CAMTA1: variants seen among roughly 807,000 people sequenced by gnomAD.
The protein encoded by CAMTA1 is calmodulin binding transcription activator 1, also known as calmodulin-binding transcription activator 1.
CAMTA1 carries 27 observed loss-of-function variants against 170.9 expected under a neutral mutation model. That is an observed-to-expected ratio of 0.16 (90% CI 0.12 to 0.22). The LOEUF (loss-of-function observed/expected upper bound fraction) is 0.22, where lower values mean the gene tolerates loss of function less well. Ranked by LOEUF, CAMTA1 falls within the 10% of genes least tolerant of loss-of-function variation. The pLI is 1.00. For synonymous variants in CAMTA1, 833 were observed against 891.5 expected (o/e 0.93, Z 1.17); for missense variants, 1,619 against 2,217.2 (o/e 0.73, Z 5.42).
At chr1:6,848,940 T>C (rs926368075) in intron 3 of CAMTA1, among the ~76,000 whole-genome samples, 7 of 152,178 alleles carry the variant, frequency 4.6e-5, no homozygotes, top group African/African-American at 1.7e-4. Context: ...AAATGGAAGC[T>C]GTATATTTTC....
At chr1:7,564,649 T>C (rs1342976254) in intron 6 of CAMTA1, among the ~76,000 whole-genome samples, 1 of 152,110 alleles carries the variant, frequency 6.6e-6, no homozygotes, top group Non-Finnish European at 1.5e-5. Context: ...TGTGTGTGTG[T>C]GTGCGTGTGA....
chr1:6,919,295 G>A (rs965042002), intron 3 of CAMTA1, among the ~76,000 whole-genome samples: 2 of 152,230 alleles, frequency 1.3e-5, no homozygotes, highest in African/African-American at 4.8e-5. Context: ...GGCTGGAGGA[G>A]TGGGCCCCAG....
At chr1:6,978,671 T>C (rs2149628095) in intron 3 of CAMTA1, among the ~76,000 whole-genome samples, 1 of 149,216 alleles carries the variant, frequency 6.7e-6, no homozygotes, top group East Asian at 1.9e-4. Flanking sequence ...TATATTTTTA[T>C]ATTTTATATA....
At chr1:6,889,778 A>AGT (rs1296565624) in intron 3 of CAMTA1, among the ~76,000 whole-genome samples, 3 of 152,166 alleles carry the variant, frequency 2.0e-5, no homozygotes, top group Non-Finnish European at 2.9e-5. Context: ...CTGTGACCAG[A>AGT]GATGCAGGAG....
At chr1:7,367,765 T>C (rs961195902) in intron 5 of CAMTA1, among the ~76,000 whole-genome samples, 7 of 152,380 alleles carry the variant, frequency 4.6e-5, no homozygotes, top group Non-Finnish European at 1.5e-5. Flanking sequence ...GCACTGATGG[T>C]TTTATTTAGC....
chr1:7,090,906 A>G (rs371562852), intron 3 of CAMTA1, among the ~76,000 whole-genome samples: 1 of 152,222 alleles, frequency 6.6e-6, no homozygotes, highest in South Asian at 2.1e-4. Context: ...GAGATGAAAG[A>G]TTCGTCCAGC....
intron 6 of CAMTA1, among the ~76,000 whole-genome samples, chr1:7,600,495 T>TTC (rs1553217216): frequency 6.6e-6 from 1 of 151,424 alleles, no homozygotes; most frequent in South Asian, 2.1e-4. Context: ...CTTTTTCTTT[T>TTC]TTTTTTTTTA....
At chr1:7,499,227 ATGAG>A (rs1273014320) in intron 6 of CAMTA1, among the ~76,000 whole-genome samples, 1 of 109,148 alleles carries the variant, frequency 9.2e-6, no homozygotes, top group Non-Finnish European at 1.8e-5. Flanking sequence ...GTGTATGTAT[ATGAG>A]TGTGTGTGTG....
chr1:7,661,060 C>T (rs1285252666), intron 7 of CAMTA1, among the ~76,000 whole-genome samples: 4 of 152,348 alleles, frequency 2.6e-5, no homozygotes, highest in Non-Finnish European at 4.4e-5. Flanking sequence ...GCCCAGCTCC[C>T]GGGGTGGCTG....
chr1:7,350,493 C>G (rs1406737567), intron 5 of CAMTA1, among the ~76,000 whole-genome samples: 1 of 152,210 alleles, frequency 6.6e-6, no homozygotes, highest in Non-Finnish European at 1.5e-5. Flanking sequence ...AAAAGTGTAG[C>G]CTCTCCGTTT....
At chr1:7,739,482 T>C (rs892569271) in intron 16 of CAMTA1, among the ~76,000 whole-genome samples, 15 of 152,194 alleles carry the variant, frequency 9.9e-5, no homozygotes, top group Admixed American at 2.6e-4. Flanking sequence ...CCTACCGTAT[T>C]AGTCCATTCT....
chr1:7,312,493 G>A (rs1676884077), intron 5 of CAMTA1, among the ~76,000 whole-genome samples: 1 of 152,002 alleles, frequency 6.6e-6, no homozygotes, highest in Admixed American at 6.6e-5. Flanking sequence ...CTCTTTCAGG[G>A]GTGTTTCTAA....
chr1:6,919,701 C>G (rs761685466), intron 3 of CAMTA1, among the ~76,000 whole-genome samples: 2 of 152,196 alleles, frequency 1.3e-5, no homozygotes, highest in South Asian at 2.1e-4. Context: ...ACTCACAGTT[C>G]TACGTGAATG....
intron 5 of CAMTA1, among the ~76,000 whole-genome samples, chr1:7,409,388 A>G (rs2090540451): frequency 6.6e-6 from 1 of 152,166 alleles, no homozygotes; most frequent in Non-Finnish European, 1.5e-5. Flanking sequence ...GAGGCCTTCC[A>G]TCCTGCCCCT....
intron 5 of CAMTA1, among the ~76,000 whole-genome samples, chr1:7,287,836 C>A (rs985623966): frequency 6.6e-6 from 1 of 152,192 alleles, no homozygotes; most frequent in Non-Finnish European, 1.5e-5. Context: ...TTTCTCATCC[C>A]TGAGGACAGG....
chr1:7,168,043 C>T (rs943692208), intron 4 of CAMTA1, among the ~76,000 whole-genome samples: 20 of 152,106 alleles, frequency 1.3e-4, no homozygotes, highest in Admixed American at 8.5e-4. Flanking sequence ...GCTGAGTTTT[C>T]TATCTTTGAA....
intron 3 of CAMTA1, among the ~76,000 whole-genome samples, chr1:6,869,729 T>A (rs555429817): frequency 6.6e-6 from 1 of 152,290 alleles, no homozygotes; most frequent in Admixed American, 6.5e-5. Flanking sequence ...TTGGAGCCAT[T>A]TTGTCAGAAC....
intron 5 of CAMTA1, among the ~76,000 whole-genome samples, chr1:7,310,414 T>G (rs748880642): frequency 7.2e-5 from 11 of 152,186 alleles, no homozygotes; most frequent in Non-Finnish European, 1.3e-4. Context: ...TGCCATTGTC[T>G]CACTAACACA....
At chr1:6,821,112 C>CGAA (rs1029425027) in intron 2 of CAMTA1, among the ~76,000 whole-genome samples, 3 of 152,134 alleles carry the variant, frequency 2.0e-5, no homozygotes, top group Admixed American at 2.0e-4. Flanking sequence ...TCACACAACT[C>CGAA]TAAGAACAAG....
Sources: allele counts gnomAD v4.1 joint callset (sites outside exome capture counted in the v4.1 genomes callset), GRCh38; gene constraint gnomAD v4.1.1; transcripts MANE v1.5; gene names NCBI Gene and HGNC (gene_info 2026-07-23, HGNC 2026-07-21).